PDHX: variants seen among roughly 807,000 people sequenced by gnomAD.
PDHX encodes the protein pyruvate dehydrogenase complex component X.
PDHX carries 33 observed loss-of-function variants against 55.3 expected under a neutral mutation model. The ratio of observed to expected loss-of-function variants is 0.60; its 90% CI spans 0.45 to 0.80. The LOEUF (loss-of-function observed/expected upper bound fraction) is 0.80, where lower values mean the gene tolerates loss of function less well. Among genes scored for constraint, PDHX ranks in the 30% least tolerant of loss-of-function variants. PDHX has a pLI of 0.00. For missense variants in PDHX, 622 were observed against 619.9 expected (o/e 1.00, Z -0.04); for synonymous variants, 226 against 219.4 (o/e 1.03, Z -0.27).
chr11:34,981,101 A>G (rs991329294), intron 8 of PDHX, among the ~76,000 whole-genome samples: 2 of 152,048 alleles, frequency 1.3e-5, no homozygotes, highest in African/African-American at 2.4e-5. Context: ...TGCACCCAGT[A>G]ACAAGTCATT....
intron 3 of PDHX, among the ~76,000 whole-genome samples, chr11:34,952,896 A>C (rs1297109608): frequency 3.3e-5 from 5 of 151,374 alleles, no homozygotes; most frequent in African/African-American, 1.2e-4. Context: ...AGAGGAAGTC[A>C]AATTGTCCCT....
intron 1 of PDHX, among the ~76,000 whole-genome samples, chr11:34,917,090 A>G (rs1853737081): frequency 6.6e-6 from 1 of 152,052 alleles, no homozygotes; most frequent in South Asian, 2.1e-4. Flanking sequence ...AGGCGCAGAG[A>G]GGGTTCCCAA....
In PDHX at chr11:34,925,991, G is replaced by T. The variant is rs529437437; in HGVS notation, c.161-5413G>T. ...TACTCAACCTATATATTGCTTATGGGTTATCTTTTTTATGTTTGTTAGCAT... is the reference window on the plus strand; with the variant it reads ...TACTCAACCTATATATTGCTTATGGTTTATCTTTTTTATGTTTGTTAGCAT... On this transcript the variant is annotated intron_variant, in intron 1 of 10. Transcript: ENST00000227868. Among the ~76,000 whole-genome samples the T allele has an allele frequency of 2.0e-5, 3 of 152,222 alleles. No homozygotes were observed. The South Asian group carries it at 6.2e-4, about 32-fold the overall frequency.
rs1427063600 is a variant in PDHX, at chr11:34,981,003, T to TTTA, written c.1023+2832_1023+2834dup. ...TTCATCATTTGATGAAATCTTTTTTTTTATTATTATTATACTTTAAGTTTT... is the reference window on the plus strand; with the variant it reads ...TTCATCATTTGATGAAATCTTTTTTTTTATTATTATTATTATACTTTAAGTTTT... On this transcript the variant is annotated intron_variant, in intron 8 of 10. Transcript: ENST00000227868. 2.6e-5 allele frequency among the ~76,000 whole-genome samples: 4 copies of TTTA among 152,210 alleles called. No individual in the cohort carries two copies. The South Asian group carries it at 6.2e-4, about 24-fold the overall frequency.
rs76429242 is a variant in PDHX at position 34,972,758 on chromosome 11, T to C, written c.964+2472T>C. Among the ~76,000 whole-genome samples the C allele has an allele frequency of 7.2e-5, 11 of 152,348 alleles. No homozygotes were observed. In the East Asian group the frequency reaches 2.1e-3, roughly 29 times the overall value. On this transcript the variant is annotated intron_variant, in intron 7 of 10. Coordinates refer to ENST00000227868, the MANE Select transcript of PDHX (RefSeq NM_003477.3). Reference sequence around the variant, plus strand: ...TCATTTATTTATTTTGTGATTTCTTTGATCGATGAGTTATTTGTAAGTGTG... The same window carrying C: ...TCATTTATTTATTTTGTGATTTCTTCGATCGATGAGTTATTTGTAAGTGTG...
At chr11:34,931,592 A>G in intron 2 of PDHX, 108 bp downstream of exon 2, 1 of 682,116 alleles carries the variant, frequency 1.5e-6, no homozygotes, top group Non-Finnish European at 2.6e-6. Flanking sequence ...TATAAATTAA[A>G]TAAATTGTGT....
chr11:34,991,469 A>G (rs1855756243), intron 9 of PDHX, among the ~76,000 whole-genome samples: 2 of 152,192 alleles, frequency 1.3e-5, no homozygotes, highest in Non-Finnish European at 2.9e-5. Flanking sequence ...ATATTGAACA[A>G]TTAAATATAA....
At chr11:34,939,708 T>G (rs1854427247) in intron 2 of PDHX, among the ~76,000 whole-genome samples, 1 of 152,224 alleles carries the variant, frequency 6.6e-6, no homozygotes, top group Non-Finnish European at 1.5e-5. Context: ...TTTTTTTAAG[T>G]AACTGAAATA....
At chr11:34,918,397 G>T (rs1853793296) in intron 1 of PDHX, among the ~76,000 whole-genome samples, 1 of 151,400 alleles carries the variant, frequency 6.6e-6, no homozygotes, top group Admixed American at 6.6e-5. Flanking sequence ...TGATCCTGCC[G>T]CTGCACTTTA....
chr11:34,954,136 G>A (rs1854848669), intron 3 of PDHX, among the ~76,000 whole-genome samples: 1 of 152,188 alleles, frequency 6.6e-6, no homozygotes, highest in South Asian at 2.1e-4. Context: ...AGTCAGTCAC[G>A]TGACTCAGGT....
intron 9 of PDHX, among the ~76,000 whole-genome samples, chr11:34,987,740 GTGTGTGTGTA>G (rs745336790): frequency 5.4e-4 from 82 of 151,778 alleles, no homozygotes; most frequent in South Asian, 4.6e-3. Context: ...GTGTGTGTGT[GTGTGTGTGTA>G]TGTGTGTGTG....
intron 9 of PDHX, among the ~76,000 whole-genome samples, chr11:34,989,505 T>G (rs982112988): frequency 6.6e-6 from 1 of 152,174 alleles, no homozygotes; most frequent in Non-Finnish European, 1.5e-5. Flanking sequence ...TAAGAGAACC[T>G]GCAGCAAAGA....
In PDHX at chr11:34,932,388, G is replaced by A. The variant is rs114068728; in HGVS notation, c.241+904G>A. Reference sequence around the variant, plus strand: ...AAAGGGTTAATATCCCTAAAAAATCGATAAGACTGTCAACTCAACAAGAAA... The same window carrying A: ...AAAGGGTTAATATCCCTAAAAAATCAATAAGACTGTCAACTCAACAAGAAA... On this transcript the variant is annotated intron_variant, in intron 2 of 10. Coordinates refer to ENST00000227868, the MANE Select transcript of PDHX (RefSeq NM_003477.3). Among the ~76,000 whole-genome samples, 635 of 152,208 alleles carry A rather than the reference G, an allele frequency of 4.2e-3. 5 individuals are homozygous for A. The highest frequency in any genetic ancestry group is 0.015 in the African/African-American group (612 of 41,528).
At chr11:34,952,272 C>G (rs1486814094) in intron 3 of PDHX, among the ~76,000 whole-genome samples, 1 of 151,516 alleles carries the variant, frequency 6.6e-6, no homozygotes, top group Non-Finnish European at 1.5e-5. Context: ...CAAGGAGGAA[C>G]TGGTACCATT....
At chr11:34,916,270 A>G (rs1853689496), upstream of PDHX, 3 of 1,612,560 alleles carry the variant, frequency 1.9e-6, no homozygotes, top group Admixed American at 3.3e-5. Flanking sequence ...CCTCCCGAGC[A>G]TCACAGCCAG....
intron 7 of PDHX, among the ~76,000 whole-genome samples, chr11:34,975,191 T>C (rs79901879): frequency 6.6e-6 from 1 of 151,838 alleles, no homozygotes; most frequent in Non-Finnish European, 1.5e-5. Context: ...TTCAAGATTT[T>C]TGCATTACCA....
chr11:34,988,123 C>T (rs1215111741), intron 9 of PDHX, among the ~76,000 whole-genome samples: 6 of 152,078 alleles, frequency 3.9e-5, no homozygotes, highest in Admixed American at 3.3e-4. Context: ...AAATCTGCTC[C>T]GACCAGAGAG....
chr11:34,994,297 T>G (rs546390781), intron 10 of PDHX, among the ~76,000 whole-genome samples: 49 of 152,284 alleles, frequency 3.2e-4, no homozygotes, highest in Admixed American at 1.8e-3. Flanking sequence ...ATGATGAGTA[T>G]TTGGGTATCT....
chr11:34,936,289 G>A (rs1023188279), intron 2 of PDHX, among the ~76,000 whole-genome samples: 11 of 152,276 alleles, frequency 7.2e-5, no homozygotes, highest in Non-Finnish European at 1.3e-4. Context: ...AAGTCTGTTT[G>A]GGCATATTAC....
Sources: allele counts gnomAD v4.1 joint callset (sites outside exome capture counted in the v4.1 genomes callset), GRCh38; gene constraint gnomAD v4.1.1; transcripts MANE v1.5; gene names NCBI Gene and HGNC (gene_info 2026-07-23, HGNC 2026-07-21).